Variants in HERC1 observed in about 807,000 individuals in gnomAD.
The protein encoded by HERC1 is HECT and RLD domain containing E3 ubiquitin protein ligase family member 1, also known as probable E3 ubiquitin-protein ligase HERC1.
HERC1 carries 160 observed loss-of-function variants against 554.3 expected under a neutral mutation model. That is an observed-to-expected ratio of 0.29 (90% CI 0.25 to 0.33). The LOEUF (loss-of-function observed/expected upper bound fraction) is 0.33. HERC1 is among the 10% of genes least tolerant of loss of function. HERC1 has a pLI of 1.00. For synonymous variants in HERC1, 2,175 were observed against 2,131.7 expected, an observed-to-expected ratio of 1.02 and a Z score of -0.56; for missense variants, 4,919 against 5,918.5, an observed-to-expected ratio of 0.83 and a Z score of 5.54.
At chr15:63,810,759 G>C (rs978532889) in intron 1 of HERC1, among the ~76,000 whole-genome samples, 6 of 152,016 alleles carry the variant, frequency 3.9e-5, no homozygotes, top group African/African-American at 1.2e-4. Context: ...AATTACAAAG[G>C]GGAAAAAAGT....
At chr15:63,817,080 AT>A (rs1459016951) in intron 1 of HERC1, among the ~76,000 whole-genome samples, 2 of 152,240 alleles carry the variant, frequency 1.3e-5, no homozygotes, top group African/African-American at 4.8e-5. Flanking sequence ...AGGGAAACTT[AT>A]CAGGGCAAAC....
At chr15:63,616,296 A>G (rs2067814885) in intron 75 of HERC1, 134 bp downstream of exon 75, 3 of 917,930 alleles carry the variant, frequency 3.3e-6, no homozygotes, top group Non-Finnish European at 4.9e-6. Flanking sequence ...TGCTAAGGGC[A>G]GCAATGGCAT....
chr15:63,706,242 A>AT (rs1373901693), intron 25 of HERC1, among the ~76,000 whole-genome samples: 2 of 152,112 alleles, frequency 1.3e-5, no homozygotes, highest in East Asian at 3.9e-4. Context: ...TTTTTAAAAT[A>AT]TTTTTTATGT....
chr15:63,770,936 C>T (rs1256254501), intron 2 of HERC1, among the ~76,000 whole-genome samples: 1 of 152,162 alleles, frequency 6.6e-6, no homozygotes, highest in East Asian at 1.9e-4. Flanking sequence ...CGCCTGTAAT[C>T]CCAGCACTGT....
At chr15:63,815,727 C>T (rs1197973429) in intron 1 of HERC1, among the ~76,000 whole-genome samples, 3 of 152,024 alleles carry the variant, frequency 2.0e-5, no homozygotes, top group African/African-American at 7.2e-5. Context: ...TCTAACCTAA[C>T]ATGTTAGTCC....
At chr15:63,618,350 C>T (rs1421250489) in intron 74 of HERC1, among the ~76,000 whole-genome samples, 1 of 152,060 alleles carries the variant, frequency 6.6e-6, no homozygotes, top group Non-Finnish European at 1.5e-5. Context: ...CTGTTCTGTT[C>T]CATTGGTCTA....
intron 1 of HERC1, among the ~76,000 whole-genome samples, chr15:63,824,698 G>C (rs769960956): frequency 6.6e-6 from 1 of 152,022 alleles, no homozygotes; most frequent in Non-Finnish European, 1.5e-5. Context: ...CAACCTACAC[G>C]TCTGTCAGTG....
chr15:63,663,291 G>C, intron 43 of HERC1, 87 bp from the exon 44 acceptor site: 2 of 1,059,660 alleles, frequency 1.9e-6, no homozygotes, highest in Non-Finnish European at 2.8e-6. Flanking sequence ...ATACATGTAG[G>C]TGAGAACCTA....
chr15:63,756,779 C>T lies in HERC1; in HGVS notation c.1222-31G>A. On this transcript the variant is annotated intron_variant, in intron 4 of 77. Transcript: ENST00000443617. The surrounding 1 kb of genome is among the most constrained non-coding windows in gnomAD (Gnocchi z 5.0). ...AACAAAGAATCATAAATATAAAATA[C>T]TTCTGTGAGTATCAAAGTATAATAT... is the stretch of plus-strand genomic sequence containing the variant. The T allele has an allele frequency of 1.5e-6, 2 of 1,373,638 alleles. No homozygotes were observed. The highest frequency in any genetic ancestry group is 2.0e-6 in the Non-Finnish European group (2 of 1,015,086). The allele number at this position is 1,373,638 out of a possible 1,614,324, so 85.1% of individuals were successfully genotyped here. A position where few individuals can be genotyped will look rare whatever the true frequency, so the allele number is the denominator to read the frequency against.
chr15:63,729,308 C>A lies in HERC1; in HGVS notation c.3082G>T (p.Asp1028Tyr). The A allele has an allele frequency of 6.2e-7, 1 of 1,611,682 alleles. No homozygotes were observed. Among genetic ancestry groups the A allele is most frequent in the Non-Finnish European group, 8.5e-7 (1 of 1,178,842 alleles). The change falls in exon 16 of 78, where the codon GAT (aspartate) becomes TAT (tyrosine). Residue 1028 changes from aspartate to tyrosine, a missense_variant. This residue lies in a region of HERC1 where 1,121 missense variants were observed against 1,244.0 expected (regional missense o/e 0.90). Coordinates refer to ENST00000443617, the MANE Select transcript of HERC1 (RefSeq NM_003922.4). The stretch of plus-strand genomic sequence containing the variant: ...AAATTTGCAGAACGTGAATAAATAT[C>A]TGTGGCATGAGGCAACAAAAGCTGA... Reference protein sequence around the residue: ...HLQLLLPHATDIYSRSANLLK... With the variant: ...HLQLLLPHATYIYSRSANLLK...
chr15:63,749,825 C>A lies in HERC1; in HGVS notation c.1903-34G>T. On this transcript the variant is annotated intron_variant, in intron 8 of 77. Transcript: ENST00000443617. The surrounding 1 kb of genome is among the most constrained non-coding windows in gnomAD (Gnocchi z 4.1). ...AACAGAAATACGTTACACATAACTTCCTGAGATGATTAGATTGTTGGCTTT... is the reference window on the plus strand; with the variant it reads ...AACAGAAATACGTTACACATAACTTACTGAGATGATTAGATTGTTGGCTTT... 1.3e-6 allele frequency: 2 copies of A among 1,488,004 alleles called. No homozygotes were observed. Among genetic ancestry groups the A allele is most frequent in the Non-Finnish European group, 1.8e-6 (2 of 1,114,658 alleles). 92.2% of individuals were successfully genotyped at this position (1,488,004 alleles called of 1,614,324 possible). A position where few individuals can be genotyped will look rare whatever the true frequency, so the allele number is the denominator to read the frequency against.
Position 63,756,961 on chromosome 15 carries a change from A to G in HERC1, c.1222-213T>C, listed in dbSNP as rs2075436731. Reference sequence around the variant, plus strand: ...TGCTGAGTTCAAATTCTTCATGTATATGTTATCTTTCCAGGTTATTGTCCA... The same window carrying G: ...TGCTGAGTTCAAATTCTTCATGTATGTGTTATCTTTCCAGGTTATTGTCCA... On this transcript the variant is annotated intron_variant, in intron 4 of 77. Coordinates refer to ENST00000443617, the MANE Select transcript of HERC1 (RefSeq NM_003922.4). This position sits in a 1 kb window ranked among gnomAD's most constrained non-coding sequence, Gnocchi z 5.0. Among the ~76,000 whole-genome samples, 1 of 152,184 alleles carries G rather than the reference A, an allele frequency of 6.6e-6. No individual in the cohort carries two copies.
At chr15:63,636,263 A>C (rs2068772305) in intron 64 of HERC1, 121 bp from the exon 65 acceptor site, 1 of 808,940 alleles carries the variant, frequency 1.2e-6, no homozygotes, top group Non-Finnish European at 1.9e-6. Flanking sequence ...AAATAAGAAT[A>C]ATTTCATTAG....
At chr15:63,623,690 T>C (rs745996075) in intron 73 of HERC1, 35 bp downstream of exon 73, 4 of 1,602,722 alleles carry the variant, frequency 2.5e-6, no homozygotes, top group Non-Finnish European at 8.5e-7. Flanking sequence ...ACTAGCAGAC[T>C]AGATAACTCA....
chr15:63,734,761 T>C lies in HERC1; in HGVS notation c.2609A>G (p.Gln870Arg). 2 of 1,591,134 alleles carry C rather than the reference T, an allele frequency of 1.3e-6. No homozygotes were observed. Among genetic ancestry groups the C allele is most frequent in the Non-Finnish European group, 8.5e-7 (1 of 1,171,772 alleles). Residue 870 changes from glutamine to arginine, a missense_variant, in exon 13 of 78, where the codon CAA becomes CGA. Gln to Arg is a conservative substitution (Grantham distance 43). This residue lies in a region of HERC1 where 744 missense variants were observed against 1,090.0 expected (regional missense o/e 0.68). Transcript: ENST00000443617. This position sits in a 1 kb window ranked among gnomAD's most constrained non-coding sequence, Gnocchi z 4.6. ...RMELLHSLLP[Q>R]GPDRWESLSK... ...TAAGCTTTCCCATCTATCAGGTCCT[T>C]GAGGTAAAAGAGAATGAAGTAATTC...
chr15:63,765,462 G>A (rs956189671), intron 2 of HERC1, among the ~76,000 whole-genome samples: 1 of 152,102 alleles, frequency 6.6e-6, no homozygotes, highest in African/African-American at 2.4e-5. Context: ...GATCGGACAT[G>A]CCTCATTATA....
intron 2 of HERC1, among the ~76,000 whole-genome samples, chr15:63,769,737 T>A (rs763361099): frequency 1.4e-4 from 21 of 152,014 alleles, no homozygotes; most frequent in Non-Finnish European, 2.6e-4. Context: ...GCACCTGTAA[T>A]CCCAGCTACT....
At chr15:63,806,954 G>A (rs766353367) in intron 1 of HERC1, among the ~76,000 whole-genome samples, 7 of 152,084 alleles carry the variant, frequency 4.6e-5, no homozygotes, top group Non-Finnish European at 7.4e-5. Context: ...CACCATGTTG[G>A]CCAGACTGGT....
intron 66 of HERC1, 68 bp downstream of exon 66, chr15:63,634,665 G>A: frequency 7.4e-7 from 1 of 1,359,390 alleles, no homozygotes; most frequent in East Asian, 2.4e-5. Context: ...TCCTGAGGGT[G>A]TCTAAGCGAA....
Sources: gnomAD v4.1 joint callset for allele counts (sites outside exome capture counted in the v4.1 genomes callset) on GRCh38, gnomAD v4.1.1 for gene constraint, gnomAD v4.1.1 regional missense constraint, Gnocchi (gnomAD v3.1) non-coding constraint, MANE v1.5 for transcripts, NCBI Gene and HGNC (gene_info 2026-07-23, HGNC 2026-07-21) for gene names.